PDE3A: variants seen among roughly 807,000 people sequenced by gnomAD.
The protein encoded by PDE3A is phosphodiesterase 3A.
PDE3A carries 43 observed loss-of-function variants against 98.3 expected under a neutral mutation model. The ratio of observed to expected loss-of-function variants is 0.44; its 90% confidence interval spans 0.34 to 0.56. The LOEUF (loss-of-function observed/expected upper bound fraction) is 0.56, where lower values mean the gene tolerates loss of function less well. Ranked by LOEUF, PDE3A falls within the 20% of genes least tolerant of loss-of-function variation. The pLI, the probability that PDE3A is intolerant of heterozygous loss-of-function variation, is 0.01. For synonymous variants in PDE3A, 663 were observed against 567.9 expected (o/e 1.17, Z -2.38); for missense variants, 1,427 against 1,440.7 (o/e 0.99, Z 0.15).
chr12:20,525,472 G>C (rs966584269), intron 1 of PDE3A, among the ~76,000 whole-genome samples: 4 of 147,822 alleles, frequency 2.7e-5, no homozygotes, highest in African/African-American at 1.0e-4. Context: ...TTGGTTGGGG[G>C]GGGGGGCTTT....
intron 3 of PDE3A, among the ~76,000 whole-genome samples, chr12:20,614,590 T>C (rs1198267577): frequency 6.6e-6 from 1 of 152,128 alleles, no homozygotes; most frequent in Non-Finnish European, 1.5e-5. Context: ...TATACCTAAG[T>C]ATAATATGAT....
chr12:20,427,683 T>C (rs1040701540), intron 1 of PDE3A, among the ~76,000 whole-genome samples: 1 of 152,120 alleles, frequency 6.6e-6, no homozygotes, highest in Non-Finnish European at 1.5e-5. Context: ...GGTAATTTAA[T>C]ACATTTAATA....
rs143143533 is a variant in PDE3A at position 20,578,311 on chromosome 12, A to G, written c.1011+21601A>G. Among the ~76,000 whole-genome samples the G allele has an allele frequency of 2.1e-3, 323 of 152,256 alleles. 3 individuals carry two copies. Among genetic ancestry groups the G allele is most frequent in the Middle Eastern group, 0.01 (3 of 294 alleles). Reference sequence around the variant, plus strand: ...AACAGGGAGGTTGATTTGTTGCTCCATACTTTGGCTAGGGCTCTGTTCTGT... The same window carrying G: ...AACAGGGAGGTTGATTTGTTGCTCCGTACTTTGGCTAGGGCTCTGTTCTGT... On this transcript the variant is annotated intron_variant, in intron 2 of 15. Transcript: ENST00000359062.
At chr12:20,442,291 A>G (rs1472391544) in intron 1 of PDE3A, among the ~76,000 whole-genome samples, 1 of 152,224 alleles carries the variant, frequency 6.6e-6, no homozygotes, top group Non-Finnish European at 1.5e-5. Context: ...AGGCTAAGCT[A>G]TCTTGCAGTA....
chr12:20,647,987 T>G (rs924351249), intron 12 of PDE3A, among the ~76,000 whole-genome samples: 2 of 151,936 alleles, frequency 1.3e-5, no homozygotes, highest in Admixed American at 1.3e-4. Flanking sequence ...TGCACACTAG[T>G]GTTCAGGCAT....
intron 1 of PDE3A, among the ~76,000 whole-genome samples, chr12:20,431,613 A>ACACACACACG (rs1555145388): frequency 0.05 from 7,588 of 150,804 alleles, 218 homozygotes; most frequent in African/African-American, 0.055. Context: ...ACACACACAC[A>ACACACACACG]CACACACACG....
chr12:20,457,960 G>A (rs1363253065), intron 1 of PDE3A, among the ~76,000 whole-genome samples: 1 of 151,990 alleles, frequency 6.6e-6, no homozygotes, highest in Non-Finnish European at 1.5e-5. Context: ...TTACTTTTGT[G>A]ATTCGTTTAG....
intron 15 of PDE3A, among the ~76,000 whole-genome samples, chr12:20,661,903 A>G (rs2121523779): frequency 6.6e-6 from 1 of 151,720 alleles, no homozygotes; most frequent in South Asian, 2.1e-4. Context: ...AACTGTGAGA[A>G]GAGAGCCACT....
intron 1 of PDE3A, among the ~76,000 whole-genome samples, chr12:20,546,516 T>C (rs934759787): frequency 6.6e-6 from 1 of 151,996 alleles, no homozygotes; most frequent in Non-Finnish European, 1.5e-5. Flanking sequence ...GCTCATCTTC[T>C]CACATGGAAT....
In PDE3A at chr12:20,590,406, G is replaced by A. The variant is rs73233975; in HGVS notation, c.1012-23037G>A. ...GAGCAAGTTCCAGACCTGAGTGAGA[G>A]GTGGCATGTGGTCAGTTTCAAGGAA... is the stretch of plus-strand genomic sequence containing the variant. On this transcript the variant is annotated intron_variant, in intron 2 of 15. Coordinates refer to ENST00000359062, the MANE Select transcript of PDE3A (RefSeq NM_000921.5). 6.1e-3 allele frequency among the ~76,000 whole-genome samples: 902 copies of A among 148,434 alleles called. 14 individuals are homozygous for A. Among genetic ancestry groups the A allele is most frequent in the African/African-American group, 0.022 (862 of 39,970 alleles).
In PDE3A at chr12:20,545,209, G is replaced by A. The variant is rs534079858; in HGVS notation, c.961-11451G>A. On this transcript the variant is annotated intron_variant, in intron 1 of 15. Coordinates refer to ENST00000359062, the MANE Select transcript of PDE3A (RefSeq NM_000921.5). Reference sequence around the variant, plus strand: ...TTTGTAAGATTAGTGGCAGCATATAGGTTTAGAGGAATTATTATCATTGTG... The same window carrying A: ...TTTGTAAGATTAGTGGCAGCATATAAGTTTAGAGGAATTATTATCATTGTG... 3.3e-5 allele frequency among the ~76,000 whole-genome samples: 5 copies of A among 152,088 alleles called. 1 individual carries two copies. The highest frequency in any genetic ancestry group is 9.6e-5 in the African/African-American group (4 of 41,538).
At chr12:20,478,362 A>G (rs1335509730) in intron 1 of PDE3A, among the ~76,000 whole-genome samples, 2 of 152,210 alleles carry the variant, frequency 1.3e-5, no homozygotes, top group Admixed American at 1.3e-4. Flanking sequence ...CTAGGCAGCC[A>G]TTTACATTTT....
chr12:20,395,788 C>T (rs1001210823), intron 1 of PDE3A, among the ~76,000 whole-genome samples: 3 of 151,020 alleles, frequency 2.0e-5, no homozygotes, highest in Non-Finnish European at 4.4e-5. Context: ...ATGCAACCTT[C>T]AAGACAGTAA....
In PDE3A at chr12:20,640,104, T is replaced by C. The variant is rs1040794913; in HGVS notation, c.2251+147T>C. 1.5e-5 allele frequency: 8 copies of C among 520,330 alleles called. No individual in the cohort carries two copies. In the East Asian group the frequency reaches 1.6e-4, roughly 10 times the overall value. The allele number at this position is 520,330 out of a possible 1,614,324, so 32.2% of individuals were successfully genotyped here. A position where few individuals can be genotyped will look rare whatever the true frequency, so the allele number is the denominator to read the frequency against. On this transcript the variant is annotated intron_variant, in intron 10 of 15. Transcript: ENST00000359062. ...GACATCATATGGTGATTAGGAAATA[T>C]CGCCTGTGTGTTAGAATCCTGGCCC...
intron 10 of PDE3A, among the ~76,000 whole-genome samples, chr12:20,641,301 C>T (rs1223835650): frequency 6.6e-6 from 1 of 151,954 alleles, no homozygotes; most frequent in Non-Finnish European, 1.5e-5. Flanking sequence ...GAACATCTGG[C>T]TGACAAATCC....
rs562430948 is a variant in PDE3A at position 20,495,094 on chromosome 12, G to T, written c.961-61566G>T. 5.3e-5 allele frequency among the ~76,000 whole-genome samples: 8 copies of T among 152,212 alleles called. No individual in the cohort carries two copies. The South Asian group carries it at 1.0e-3, about 20-fold the overall frequency. On this transcript the variant is annotated intron_variant, in intron 1 of 15. Coordinates refer to ENST00000359062, the MANE Select transcript of PDE3A (RefSeq NM_000921.5). ...TCTTCCATATGGACAGTGGACAAGA[G>T]AATGTTCCATGAATTTTTATATACT...
At chr12:20,420,267 T>C (rs1004256373) in intron 1 of PDE3A, among the ~76,000 whole-genome samples, 7 of 152,290 alleles carry the variant, frequency 4.6e-5, no homozygotes, top group South Asian at 4.1e-4. Flanking sequence ...GCAGTATTCT[T>C]GGCAACTTGG....
chr12:20,556,889 G>C (rs558669298), intron 2 of PDE3A, 179 bp downstream of exon 2: 2 of 649,452 alleles, frequency 3.1e-6, no homozygotes, highest in Admixed American at 5.7e-5. Context: ...AAAGGCAGAT[G>C]CCAGGATATT....
intron 1 of PDE3A, among the ~76,000 whole-genome samples, chr12:20,526,982 G>C (rs759876627): frequency 6.6e-6 from 1 of 150,550 alleles, no homozygotes; most frequent in Non-Finnish European, 1.5e-5. Context: ...GCAATGGCGC[G>C]ATCTCGGCTC....
Sources: allele counts gnomAD v4.1 joint callset (sites outside exome capture counted in the v4.1 genomes callset), GRCh38; gene constraint gnomAD v4.1.1; transcripts MANE v1.5; gene names NCBI Gene and HGNC (gene_info 2026-07-23, HGNC 2026-07-21).